AGMO: variants seen among roughly 807,000 people sequenced by gnomAD.
The protein encoded by AGMO is alkylglycerol monooxygenase, also known as glyceryl-ether monooxygenase.
AGMO carries 75 observed loss-of-function variants against 60.2 expected under a neutral mutation model. The ratio of observed to expected loss-of-function variants is 1.25; its 90% confidence interval spans 1.03 to 1.51. The LOEUF (loss-of-function observed/expected upper bound fraction) is 1.51. Ranked by LOEUF, AGMO falls within the 40% of genes most tolerant of loss-of-function variation. The pLI, the probability that AGMO is intolerant of heterozygous loss-of-function variation, is 0.00. For missense variants in AGMO, 763 were observed against 525.5 expected (o/e 1.45, Z -4.42); for synonymous variants, 261 against 177.1 (o/e 1.47, Z -3.76).
chr7:15,455,569 T>C (rs988233882), intron 3 of AGMO, among the ~76,000 whole-genome samples: 1 of 152,158 alleles, frequency 6.6e-6, no homozygotes, highest in Non-Finnish European at 1.5e-5. Context: ...TTCCTCCTTG[T>C]CTTGCTAAAT....
In AGMO at chr7:15,211,681, C is replaced by T. The variant is rs929692325; in HGVS notation, c.1264-10322G>A. 2.6e-5 allele frequency among the ~76,000 whole-genome samples: 4 copies of T among 151,936 alleles called. No individual in the cohort carries two copies. The East Asian group carries it at 7.7e-4, about 29-fold the overall frequency. The stretch of plus-strand genomic sequence containing the variant: ...TAATTTCTAAAGATCCTCCCACTCA[C>T]TATTACCAAACTACTGTTTTGTTCT... On this transcript the variant is annotated intron_variant, in intron 12 of 12. Coordinates refer to ENST00000342526, the MANE Select transcript of AGMO (RefSeq NM_001004320.2).
intron 10 of AGMO, among the ~76,000 whole-genome samples, chr7:15,380,942 T>TA (rs1332235672): frequency 1.3e-5 from 2 of 152,104 alleles, no homozygotes; most frequent in Non-Finnish European, 2.9e-5. Context: ...AAGGATTCCC[T>TA]AATTCAATAA....
At chr7:15,188,928 A>T in the AGMO span, among the ~76,000 whole-genome samples, 2 of 152,174 alleles carry the variant, frequency 1.3e-5, no homozygotes, top group Non-Finnish European at 2.9e-5. Context: ...TCCAAGAGAG[A>T]ATCGGAGGAG....
chr7:15,394,274 G>T (rs914602383), intron 5 of AGMO, 95 bp from the exon 6 acceptor site: 5 of 966,596 alleles, frequency 5.2e-6, no homozygotes, highest in African/African-American at 1.7e-5. Flanking sequence ...TAAATTAAGA[G>T]ATATTGCGAA....
At chr7:15,278,102 G>A (rs993600576) in intron 12 of AGMO, among the ~76,000 whole-genome samples, 23 of 152,236 alleles carry the variant, frequency 1.5e-4, no homozygotes, top group African/African-American at 5.5e-4. Context: ...CAGTGTAACT[G>A]AAAGCCGTGG....
chr7:15,505,134 T>A (rs982557070), intron 3 of AGMO, among the ~76,000 whole-genome samples: 1 of 152,008 alleles, frequency 6.6e-6, no homozygotes, highest in South Asian at 2.1e-4. Flanking sequence ...AGTCAAATCA[T>A]CTATTGCCAA....
chr7:15,127,060 C>T, the AGMO span, among the ~76,000 whole-genome samples: 1 of 152,108 alleles, frequency 6.6e-6, no homozygotes, highest in African/African-American at 2.4e-5. Flanking sequence ...GAAGCCCCCT[C>T]ACCAGCTTTG....
At chr7:15,415,138 C>A (rs113959511) in intron 5 of AGMO, among the ~76,000 whole-genome samples, 1,969 of 152,012 alleles carry the variant, frequency 0.013, 27 homozygotes, top group African/African-American at 0.043. Context: ...TATTTCTGTT[C>A]ATGAAAAGTC....
intron 12 of AGMO, among the ~76,000 whole-genome samples, chr7:15,335,996 T>TCTA (rs1398686017): frequency 6.6e-6 from 1 of 152,166 alleles, no homozygotes; most frequent in African/African-American, 2.4e-5. Context: ...AAGTGGAAGA[T>TCTA]CTACTCCAAA....
intron 3 of AGMO, among the ~76,000 whole-genome samples, chr7:15,533,791 C>A (rs1036221230): frequency 2.0e-5 from 3 of 152,112 alleles, no homozygotes; most frequent in African/African-American, 7.2e-5. Context: ...TTTTCCGGGG[C>A]TCTTCTGTTC....
chr7:15,388,903 A>G (rs1158730903), intron 8 of AGMO, among the ~76,000 whole-genome samples: 2 of 152,184 alleles, frequency 1.3e-5, no homozygotes, highest in African/African-American at 2.4e-5. Flanking sequence ...GGCAATTACT[A>G]TGCTGAAGGA....
chr7:15,194,911 G>C, the AGMO span, among the ~76,000 whole-genome samples: 1 of 152,094 alleles, frequency 6.6e-6, no homozygotes, highest in African/African-American at 2.4e-5. Context: ...TTACCAGCAA[G>C]TTAAAATGCA....
intron 12 of AGMO, among the ~76,000 whole-genome samples, chr7:15,315,538 A>G (rs1304496660): frequency 6.6e-6 from 1 of 151,848 alleles, no homozygotes. Context: ...GGGTTTCACC[A>G]TGTTGGTCAG....
At position 15,230,332 on chromosome 7, in the gene AGMO, A is replaced by T. The variant is rs540218736; in HGVS notation, c.1264-28973T>A. ...TACAAGTTTATTGGTTGTCTGCAAA[A>T]TTTAAGGTAAAAAAAAAATTACCCA... On this transcript the variant is annotated intron_variant, in intron 12 of 12. Coordinates refer to ENST00000342526, the MANE Select transcript of AGMO (RefSeq NM_001004320.2). 2.0e-5 allele frequency among the ~76,000 whole-genome samples: 3 copies of T among 152,212 alleles called. No individual in the cohort carries two copies. In the South Asian group the frequency reaches 6.2e-4, roughly 32 times the overall value.
At chr7:15,195,444 T>C (rs1395573346), downstream of AGMO, among the ~76,000 whole-genome samples, 3 of 152,162 alleles carry the variant, frequency 2.0e-5, no homozygotes, top group African/African-American at 7.2e-5. Flanking sequence ...CAAAGATTGG[T>C]TGGACCAGGT....
At chr7:15,437,305 A>T (rs1781428249) in intron 3 of AGMO, among the ~76,000 whole-genome samples, 1 of 152,176 alleles carries the variant, frequency 6.6e-6, no homozygotes. Flanking sequence ...TTACCAATTC[A>T]TTCAGTAAGT....
chr7:15,438,240 T>C (rs1338653231), intron 3 of AGMO, among the ~76,000 whole-genome samples: 1 of 151,624 alleles, frequency 6.6e-6, no homozygotes, highest in Non-Finnish European at 1.5e-5. Flanking sequence ...CTAAATTATA[T>C]TGATAACAAT....
At chr7:15,513,752 A>G (rs1783737719) in intron 3 of AGMO, among the ~76,000 whole-genome samples, 1 of 152,182 alleles carries the variant, frequency 6.6e-6, no homozygotes, top group South Asian at 2.1e-4. Flanking sequence ...TTCATCCAAG[A>G]GTTTTAATTG....
In AGMO at chr7:15,460,106, C is replaced by CTTTTT. The variant is rs67388173; in HGVS notation, c.410-29003_410-28999dup. ...AAAGTAATTATTTACCCAATTTCCC[C>CTTTTT]TTTTTTTTTTGTTTTTTTGAGAAGG... On this transcript the variant is annotated intron_variant, in intron 3 of 12. Transcript: ENST00000342526. Among the ~76,000 whole-genome samples, 12 of 121,694 alleles carry CTTTTT rather than the reference C, an allele frequency of 9.9e-5. 3 individuals carry two copies. The highest frequency in any genetic ancestry group is 1.3e-4 in the African/African-American group (4 of 30,538). The allele number at this position is 121,694 out of a possible 152,430, so 79.8% of individuals were successfully genotyped here.
Sources: gnomAD v4.1 joint callset for allele counts (sites outside exome capture counted in the v4.1 genomes callset) on GRCh38, gnomAD v4.1.1 for gene constraint, MANE v1.5 for transcripts, NCBI Gene and HGNC (gene_info 2026-07-23, HGNC 2026-07-21) for gene names.